The following CYP46A1 variants were observed in gnomAD, a reference collection of about 807,000 sequenced individuals.
The protein encoded by CYP46A1 is cholesterol 24-hydroxylase.
In CYP46A1, 20 loss-of-function variants were observed where a neutral mutation model predicts 63.3. That is an observed-to-expected ratio of 0.32 (90% CI 0.22 to 0.46). The LOEUF (loss-of-function observed/expected upper bound fraction) is 0.46. Ranked by LOEUF, CYP46A1 falls within the 20% of genes least tolerant of loss-of-function variation. The probability of loss-of-function intolerance (pLI) is 1.00; values close to 1 mark genes in which losing one functional copy is unlikely to be tolerated. For missense variants in CYP46A1, 445 were observed against 670.8 expected, an observed-to-expected ratio of 0.66 and a Z score of 3.72; for synonymous variants, 268 against 273.6, an observed-to-expected ratio of 0.98 and a Z score of 0.20.
rs1595212920 is a variant in CYP46A1, at chr14:99,727,102, T to C, written c.*375T>C. On this transcript the variant is annotated 3_prime_UTR_variant, in exon 15 of 15. Coordinates refer to ENST00000261835, the MANE Select transcript of CYP46A1 (RefSeq NM_006668.2). ...CCCCCGCCGGCAGGGGCCCCTCCTC[T>C]GTGCTCCCTCGGTCACCTGTGCTAC... 10 of 225,084 alleles carry C rather than the reference T, an allele frequency of 4.4e-5. No homozygotes were observed. The East Asian group carries it at 8.7e-4, about 20-fold the overall frequency. The allele number at this position is 225,084 out of a possible 1,614,324, so 13.9% of individuals were successfully genotyped here.
chr14:99,706,384 C>T (rs994484277), intron 5 of CYP46A1: 3 of 425,302 alleles, frequency 7.1e-6, no homozygotes, highest in African/African-American at 2.0e-5. Context: ...CCACAGTGAC[C>T]AACAGAGTAC....
chr14:99,691,494 A>G, intron 2 of CYP46A1: 1 of 572,354 alleles, frequency 1.7e-6, no homozygotes, highest in Non-Finnish European at 3.1e-6. Flanking sequence ...AAAGATGCGA[A>G]TCATTTGATT....
chr14:99,691,728 T>C (rs1458575696), intron 2 of CYP46A1, 52 bp from the exon 3 acceptor site: 2 of 1,564,752 alleles, frequency 1.3e-6, no homozygotes, highest in Non-Finnish European at 1.8e-6. Flanking sequence ...GGGTTGGTGA[T>C]GGTCATACCT....
At position 99,725,895 on chromosome 14, in the gene CYP46A1, G is replaced by A. The variant is rs183253651; in HGVS notation, c.1266-295G>A. ...AGTGTTCAGATCCAGGCTCTGCCCA[G>A]AGCTGGATGTAAATTTATGACCTGG... On this transcript the variant is annotated intron_variant, in intron 13 of 14. Transcript: ENST00000261835. This position sits in a 1 kb window ranked among gnomAD's most constrained non-coding sequence, Gnocchi z 4.2. Among the ~76,000 whole-genome samples, 124 of 152,340 alleles carry A rather than the reference G, an allele frequency of 8.1e-4. No homozygotes were observed. Among genetic ancestry groups the A allele is most frequent in the African/African-American group, 2.9e-3 (120 of 41,564 alleles).
At chr14:99,703,748 C>A in intron 5 of CYP46A1, 1 of 946,314 alleles carries the variant, frequency 1.1e-6, no homozygotes, top group Non-Finnish European at 1.3e-6. Context: ...AGGCAGAAGA[C>A]GCACCCTGTC....
Position 99,725,314 on chromosome 14 carries a change from T to G in CYP46A1, c.1177-77T>G, listed in dbSNP as rs758647576. The G allele has an allele frequency of 6.5e-5, 74 of 1,140,188 alleles. No individual in the cohort carries two copies. The highest frequency in any genetic ancestry group is 9.6e-5 in the Non-Finnish European group (72 of 753,452). The allele number at this position is 1,140,188 out of a possible 1,614,324, so 70.6% of individuals were successfully genotyped here. A position where few individuals can be genotyped will look rare whatever the true frequency, so the allele number is the denominator to read the frequency against. On this transcript the variant is annotated intron_variant, in intron 12 of 14. Transcript: ENST00000261835. This position sits in a 1 kb window ranked among gnomAD's most constrained non-coding sequence, Gnocchi z 4.2. ...ACCCACTCTGCTCTGAGTAGCCCTG[T>G]TGGGTGGCCTCAGTGGCTCAAGAGG...
chr14:99,726,645 C>T lies in CYP46A1; in HGVS notation c.1421C>T (p.Ala474Val). Reference protein sequence around the residue: ...PGQRFGLQEQATLKPLDPVLC... With the variant: ...PGQRFGLQEQVTLKPLDPVLC... ...CAGCGCTTCGGGCTGCAGGAGCAGG[C>T]CACACTCAAGCCACTGGACCCCGTG... The change falls in exon 15 of 15, where the codon GCC becomes GTC. Residue 474 changes from alanine (A) to valine (V), a missense_variant. By Grantham distance (64) the Ala-to-Val change is moderately conservative. Transcript: ENST00000261835. The T allele has an allele frequency of 1.9e-6, 3 of 1,558,966 alleles. No homozygotes were observed. Among genetic ancestry groups the T allele is most frequent in the South Asian group, 1.2e-5 (1 of 84,626 alleles).
chr14:99,725,310 C>T lies in CYP46A1; in HGVS notation c.1177-81C>T. 1 of 1,083,390 alleles carries T rather than the reference C, an allele frequency of 9.2e-7. No individual in the cohort carries two copies. The highest frequency in any genetic ancestry group is 1.4e-6 in the Non-Finnish European group (1 of 702,624). The allele number at this position is 1,083,390 out of a possible 1,614,324, so 67.1% of individuals were successfully genotyped here. On this transcript the variant is annotated intron_variant, in intron 12 of 14. Transcript: ENST00000261835. The surrounding 1 kb of genome is among the most constrained non-coding windows in gnomAD (Gnocchi z 4.2). ...TGGGACCCACTCTGCTCTGAGTAGC[C>T]CTGTTGGGTGGCCTCAGTGGCTCAA...
intron 14 of CYP46A1, 61 bp from the exon 15 acceptor site, chr14:99,726,496 T>A (rs2056899845): frequency 1.5e-5 from 21 of 1,434,590 alleles, no homozygotes; most frequent in Non-Finnish European, 2.0e-5. Flanking sequence ...TTGCTGCTCA[T>A]TCACTCACTC....
chr14:99,716,608 G>C (rs78482721), intron 9 of CYP46A1, among the ~76,000 whole-genome samples: 12,194 of 152,254 alleles, frequency 0.08, 564 homozygotes, highest in East Asian at 0.18. Flanking sequence ...GTGAGCCCTC[G>C]CATGCCTCCT....
At chr14:99,700,169 T>G (rs1595190192) in intron 5 of CYP46A1, 68 bp downstream of exon 5, 1 of 1,305,162 alleles carries the variant, frequency 7.7e-7, no homozygotes, top group Non-Finnish European at 1.1e-6. Context: ...GAAGTGTAGG[T>G]GGGCCTTGGG....
At position 99,700,000 on chromosome 14, in the gene CYP46A1, G is replaced by T. The variant is rs116375523; in HGVS notation, c.357-15G>T. 3 of 1,510,292 alleles carry T rather than the reference G, an allele frequency of 2.0e-6. No homozygotes were observed. The highest frequency in any genetic ancestry group is 1.8e-6 in the Non-Finnish European group (2 of 1,127,154). 93.6% of individuals were successfully genotyped at this position (1,510,292 alleles called of 1,614,324 possible). A position where few individuals can be genotyped will look rare whatever the true frequency, so the allele number is the denominator to read the frequency against. ...CCCCACCCTCTTTCCCGCATCACGT[G>T]TGTGTCTCCTACAGACTCTTCGGCC... On this transcript the variant is annotated splice_polypyrimidine_tract_variant and intron_variant, in intron 4 of 14. Transcript: ENST00000261835.
Position 99,722,740 on chromosome 14 carries a change from G to T in CYP46A1, c.1176+674G>T, listed in dbSNP as rs1288205312. 6.9e-6 allele frequency: 2 copies of T among 290,786 alleles called. No individual in the cohort carries two copies. The highest frequency in any genetic ancestry group is 3.9e-5 in the Admixed American group (1 of 25,342). The allele number at this position is 290,786 out of a possible 1,614,324, so 18.0% of individuals were successfully genotyped here. A position where few individuals can be genotyped will look rare whatever the true frequency, so the allele number is the denominator to read the frequency against. ...TTGTTTTTTGACTCAGTATAAAGTT[G>T]GTAAGATTTGTGTAGGTTTCTCCAC... On this transcript the variant is annotated intron_variant, in intron 12 of 14. Transcript: ENST00000261835. The surrounding 1 kb of genome is among the most constrained non-coding windows in gnomAD (Gnocchi z 4.6).
In CYP46A1 at chr14:99,726,743, G is replaced by A. The variant is rs1226492965; in HGVS notation, c.*16G>A. On this transcript the variant is annotated 3_prime_UTR_variant, in exon 15 of 15. Coordinates refer to ENST00000261835, the MANE Select transcript of CYP46A1 (RefSeq NM_006668.2). Reference sequence around the variant, plus strand: ...CCCCTGCTGAGGGGGCCTCCAGGCAGGACGAGACTCCTCGGGCAAGGGCCG... The same window carrying A: ...CCCCTGCTGAGGGGGCCTCCAGGCAAGACGAGACTCCTCGGGCAAGGGCCG... 2 of 1,500,584 alleles carry A rather than the reference G, an allele frequency of 1.3e-6. No individual in the cohort carries two copies. The highest frequency in any genetic ancestry group is 8.9e-7 in the Non-Finnish European group (1 of 1,121,798). 93.0% of individuals were successfully genotyped at this position (1,500,584 alleles called of 1,614,324 possible). A position where few individuals can be genotyped will look rare whatever the true frequency, so the allele number is the denominator to read the frequency against.
intron 6 of CYP46A1, 43 bp from the exon 7 acceptor site, chr14:99,707,525 C>T (rs752747588): frequency 7.7e-6 from 12 of 1,557,148 alleles, no homozygotes; most frequent in Non-Finnish European, 1.1e-5. Flanking sequence ...ATCTGCTGCC[C>T]TTCTGTGCCC....
chr14:99,704,236 G>T (rs756460852), intron 5 of CYP46A1, among the ~76,000 whole-genome samples: 3 of 152,206 alleles, frequency 2.0e-5, no homozygotes, highest in African/African-American at 7.2e-5. Flanking sequence ...GCATTATTAC[G>T]CAACCATCAC....
At position 99,691,911 on chromosome 14, in the gene CYP46A1, T is replaced by C. The variant is rs1037451871; in HGVS notation, c.282+50T>C. The C allele has an allele frequency of 4.5e-6, 7 of 1,572,626 alleles. No homozygotes were observed. In the Admixed American group the frequency reaches 1.2e-4, roughly 26 times the overall value. ...AGGGAGTTCCCTGCCTTTCCTTGGG[T>C]TGGGGGAGTGAAGCCTGGTCCCAGA... is the stretch of plus-strand genomic sequence containing the variant. On this transcript the variant is annotated intron_variant, in intron 3 of 14. Coordinates refer to ENST00000261835, the MANE Select transcript of CYP46A1 (RefSeq NM_006668.2).
intron 10 of CYP46A1, among the ~76,000 whole-genome samples, chr14:99,719,447 C>T (rs1304930995): frequency 6.6e-6 from 1 of 151,260 alleles, no homozygotes. Flanking sequence ...GTCTCAAACT[C>T]CTGGCCTGAA....
rs1446669869 is a variant in CYP46A1, at chr14:99,706,732, C to A, written c.529C>A (p.Pro177Thr). ...AGAAGCCAAGGCAGATGGGCAGACC[C>A]CAGTGTCCATGCAGGACATGCTGAC... ...ILEAKADGQTPVSMQDMLTYT... is the reference protein window; with the variant it reads ...ILEAKADGQTTVSMQDMLTYT... The change falls in exon 6 of 15, where the codon CCA becomes ACA. Residue 177 changes from proline (P) to threonine (T), a missense_variant. Physicochemically the swap from Pro to Thr is conservative, Grantham distance 38 (BLOSUM62 -1). Around this residue, in one of 4 missense-constraint regions of CYP46A1, gnomAD observed 252 missense variants for 383.3 expected, o/e 0.66. Transcript: ENST00000261835. 6.2e-7 allele frequency: 1 copy of A among 1,613,528 alleles called. No homozygotes were observed. The highest frequency in any genetic ancestry group is 1.3e-5 in the African/African-American group (1 of 74,874).
Sources: allele counts gnomAD v4.1 joint callset (sites outside exome capture counted in the v4.1 genomes callset), GRCh38; gene constraint gnomAD v4.1.1; regional missense constraint gnomAD v4.1.1; non-coding constraint Gnocchi (gnomAD v3.1); transcripts MANE v1.5; gene names NCBI Gene and HGNC (gene_info 2026-07-23, HGNC 2026-07-21).